Variants in EGLN2 observed in about 807,000 individuals in gnomAD.
The protein encoded by EGLN2 is prolyl hydroxylase EGLN2.
In EGLN2, 15 loss-of-function variants were observed where a neutral mutation model predicts 38.2. The observed-to-expected ratio is 0.39, with a 90% CI of 0.26 to 0.60. EGLN2 has a LOEUF of 0.60. Among genes scored for constraint, EGLN2 ranks in the 20% least tolerant of loss-of-function variants. The probability of loss-of-function intolerance (pLI) is 0.50; values close to 1 mark genes in which losing one functional copy is unlikely to be tolerated. For missense variants in EGLN2, 492 were observed against 570.4 expected (o/e 0.86, Z 1.40); for synonymous variants, 284 against 237.4 (o/e 1.20, Z -1.81).
chr19:40,807,220 T>C lies in EGLN2; in HGVS notation c.1046T>C (p.Ile349Thr). 3 of 1,614,174 alleles carry C rather than the reference T, an allele frequency of 1.9e-6. No homozygotes were observed. In the South Asian group the frequency reaches 3.3e-5, roughly 18 times the overall value. The change falls in exon 4 of 6, where the codon ATT becomes ACT. Residue 349 changes from isoleucine (I) to threonine (T), a missense_variant. Transcript: ENST00000303961. ...GAGCCACTCTTTGACCGGTTGCTCA[T>C]TTTCTGGTCTGACCGGCGGAACCCC... ...NIEPLFDRLL[I>T]FWSDRRNPHE...
chr19:40,806,759 A>G, intron 3 of EGLN2, 85 bp downstream of exon 3: 1 of 1,549,514 alleles, frequency 6.5e-7, no homozygotes, highest in South Asian at 1.1e-5. Flanking sequence ...TTCCACTCTC[A>G]GCCCAGATTC....
chr19:40,800,704 G>C lies in EGLN2; in HGVS notation c.132G>C (p.Leu44=), dbSNP rs755301119. The change falls in exon 2 of 6, where the codon CTG becomes CTC. Residue 44 remains leucine, a synonymous_variant. Coordinates refer to ENST00000303961, the MANE Select transcript of EGLN2 (RefSeq NM_080732.4). ...MGVESYLPCP[L]LPSYHCPGVP... Reference sequence around the variant, plus strand: ...TGGAGAGTTACCTGCCCTGTCCCCTGCTCCCCTCCTACCACTGTCCAGGAG... The same window carrying C: ...TGGAGAGTTACCTGCCCTGTCCCCTCCTCCCCTCCTACCACTGTCCAGGAG... The C allele has an allele frequency of 6.2e-7, 1 of 1,614,036 alleles. No homozygotes were observed. Among genetic ancestry groups the C allele is most frequent in the Admixed American group, 1.7e-5 (1 of 60,028 alleles).
chr19:40,802,887 C>G (rs989403523), intron 2 of EGLN2, among the ~76,000 whole-genome samples: 25 of 152,388 alleles, frequency 1.6e-4, no homozygotes, highest in African/African-American at 6.0e-4. Flanking sequence ...CCTCCTCCTG[C>G]AGATCCCATC....
In EGLN2 at chr19:40,801,518, T is replaced by C. The variant is rs1461457653; in HGVS notation, c.843+103T>C. On this transcript the variant is annotated intron_variant, in intron 2 of 5. Transcript: ENST00000303961. ...GGTTTGGAGACAGGCTTCTGGGAGG[T>C]CACAGAAGGTTTAGGCAGTTCAGTG... is the stretch of plus-strand genomic sequence containing the variant. 10 of 1,500,480 alleles carry C rather than the reference T, an allele frequency of 6.7e-6. No individual in the cohort carries two copies. The Admixed American group carries it at 2.1e-4, about 31-fold the overall frequency. The allele number at this position is 1,500,480 out of a possible 1,614,324, so 92.9% of individuals were successfully genotyped here.
chr19:40,807,695 G>A, intron 5 of EGLN2, 114 bp from the exon 6 acceptor site: 2 of 1,419,886 alleles, frequency 1.4e-6, no homozygotes, highest in Admixed American at 3.7e-5. Flanking sequence ...CCACTCTCCT[G>A]GTACCCCAAC....
At position 40,806,942 on chromosome 19, in the gene EGLN2, C is replaced by T. The variant is rs183913471; in HGVS notation, c.964-196C>T. The stretch of plus-strand genomic sequence containing the variant: ...CGGCCTTGTAATGAACACTTTCCCC[C>T]TTTTCCTGTCTTTAGTAGCTTCCTG... On this transcript the variant is annotated intron_variant, in intron 3 of 5. Transcript: ENST00000303961. 15 of 997,766 alleles carry T rather than the reference C, an allele frequency of 1.5e-5. No homozygotes were observed. The African/African-American group carries it at 2.0e-4, about 13-fold the overall frequency. 61.8% of individuals were successfully genotyped at this position (997,766 alleles called of 1,614,324 possible).
chr19:40,802,860 G>A (rs970717382), intron 2 of EGLN2, among the ~76,000 whole-genome samples: 4 of 152,282 alleles, frequency 2.6e-5, no homozygotes, highest in African/African-American at 9.6e-5. Flanking sequence ...GTGAGGCTGA[G>A]CTCCTGATGT....
chr19:40,807,074 G>A, intron 3 of EGLN2, 64 bp from the exon 4 acceptor site: 2 of 1,599,408 alleles, frequency 1.3e-6, no homozygotes, highest in Non-Finnish European at 1.7e-6. Flanking sequence ...GGGCTCCCGG[G>A]GCACCGTGGG....
At chr19:40,802,300 C>T (rs987025992) in intron 2 of EGLN2, among the ~76,000 whole-genome samples, 10 of 152,164 alleles carry the variant, frequency 6.6e-5, no homozygotes, top group Non-Finnish European at 1.5e-4. Flanking sequence ...GCATCGAGGA[C>T]AGTCTCCTGG....
rs949853896 is a variant in EGLN2 at position 40,801,348 on chromosome 19, A to G, written c.776A>G (p.His259Arg). Residue 259 changes from histidine (H) to arginine (R), a missense_variant, in exon 2 of 6, where the codon CAT becomes CGT. Physicochemically the swap from His to Arg is conservative, Grantham distance 29. This residue lies in a region of EGLN2 where 378 missense variants were observed against 386.2 expected (regional missense o/e 0.98). Coordinates refer to ENST00000303961, the MANE Select transcript of EGLN2 (RefSeq NM_080732.4). ...GCRSIGALMAHVDAVIRHCAG... is the reference protein window; with the variant it reads ...GCRSIGALMARVDAVIRHCAG... ...CGAAGCATTGGTGCCCTCATGGCCCATGTGGACGCCGTCATCCGCCACTGC... is the reference window on the plus strand; with the variant it reads ...CGAAGCATTGGTGCCCTCATGGCCCGTGTGGACGCCGTCATCCGCCACTGC... 6.2e-7 allele frequency: 1 copy of G among 1,612,042 alleles called. No homozygotes were observed. The highest frequency in any genetic ancestry group is 8.5e-7 in the Non-Finnish European group (1 of 1,180,012).
Position 40,800,354 on chromosome 19 carries a change from C to T in EGLN2, c.-219C>T. The T allele has an allele frequency of 1.7e-6, 1 of 594,618 alleles. No individual in the cohort carries two copies. The highest frequency in any genetic ancestry group is 2.8e-6 in the Non-Finnish European group (1 of 355,032). The allele number at this position is 594,618 out of a possible 1,614,324, so 36.8% of individuals were successfully genotyped here. A position where few individuals can be genotyped will look rare whatever the true frequency, so the allele number is the denominator to read the frequency against. On this transcript the variant is annotated 5_prime_UTR_variant, in exon 2 of 6. Coordinates refer to ENST00000303961, the MANE Select transcript of EGLN2 (RefSeq NM_080732.4). Reference sequence around the variant, plus strand: ...CTTTCTCTAGCCACCCTGAAGGGTCCCTTCCCAAGCCCTTAGGGACCGCAG... The same window carrying T: ...CTTTCTCTAGCCACCCTGAAGGGTCTCTTCCCAAGCCCTTAGGGACCGCAG...
chr19:40,805,597 C>T (rs2083295390), intron 2 of EGLN2: 1 of 152,236 alleles, frequency 6.6e-6, no homozygotes, highest in Admixed American at 6.5e-5. Flanking sequence ...GCAGAAGTGG[C>T]TGGGCCATTT....
In EGLN2 at chr19:40,807,955, C is replaced by A; in HGVS notation, c.*91C>A. On this transcript the variant is annotated 3_prime_UTR_variant, in exon 6 of 6. Coordinates refer to ENST00000303961, the MANE Select transcript of EGLN2 (RefSeq NM_080732.4). ...GGCTGCTCCTTCCCTGCCACCGCTG[C>A]TGCTTCTGACTTTGCCTCTGTCCTG... The A allele has an allele frequency of 7.8e-7, 1 of 1,285,200 alleles. No homozygotes were observed. Among genetic ancestry groups the A allele is most frequent in the Non-Finnish European group, 1.1e-6 (1 of 902,562 alleles). The allele number at this position is 1,285,200 out of a possible 1,614,324, so 79.6% of individuals were successfully genotyped here. A position where few individuals can be genotyped will look rare whatever the true frequency, so the allele number is the denominator to read the frequency against.
intron 2 of EGLN2, chr19:40,804,881 G>A (rs972375776): frequency 5.9e-5 from 9 of 152,294 alleles, no homozygotes; most frequent in Admixed American, 4.6e-4. Context: ...AAGGTTGTCA[G>A]CTTCCCACTG....
In EGLN2 at chr19:40,803,803, A is replaced by C. The variant is rs1311523291; in HGVS notation, c.843+2388A>C. Among the ~76,000 whole-genome samples the C allele has an allele frequency of 2.0e-5, 3 of 152,098 alleles. No individual in the cohort carries two copies. The East Asian group carries it at 5.8e-4, about 29-fold the overall frequency. On this transcript the variant is annotated intron_variant, in intron 2 of 5. Coordinates refer to ENST00000303961, the MANE Select transcript of EGLN2 (RefSeq NM_080732.4). Reference sequence around the variant, plus strand: ...TTGAAGAGCAGCTTGGAGGTGGGACAGTCACAGGCTTCTGACTGGGGTGTG... The same window carrying C: ...TTGAAGAGCAGCTTGGAGGTGGGACCGTCACAGGCTTCTGACTGGGGTGTG...
At position 40,806,585 on chromosome 19, in the gene EGLN2, C is replaced by A; in HGVS notation, c.874C>A (p.Leu292Ile). 3 of 1,614,164 alleles carry A rather than the reference C, an allele frequency of 1.9e-6. No individual in the cohort carries two copies. The highest frequency in any genetic ancestry group is 2.5e-6 in the Non-Finnish European group (3 of 1,180,004). Residue 292 changes from leucine (L) to isoleucine (I), a missense_variant, in exon 3 of 6, where the codon CTC becomes ATC. Coordinates refer to ENST00000303961, the MANE Select transcript of EGLN2 (RefSeq NM_080732.4). ...GGTGGCGTGTTACCCAGGCAACGGG[C>A]TCGGGTACGTAAGGCACGTTGACAA... is the stretch of plus-strand genomic sequence containing the variant. ...AMVACYPGNG[L>I]GYVRHVDNPH... is the part of the protein sequence containing the mutation.
intron 2 of EGLN2, among the ~76,000 whole-genome samples, chr19:40,801,987 T>C (rs2145083501): frequency 6.6e-6 from 1 of 152,276 alleles, no homozygotes; most frequent in African/African-American, 2.4e-5. Context: ...GTTCATGGCC[T>C]CCTGGTGTCA....
At chr19:40,806,707 GGGGCTA>G (rs759433684) in intron 3 of EGLN2, 33 bp downstream of exon 3, 2 of 1,609,604 alleles carry the variant, frequency 1.2e-6, no homozygotes, top group Admixed American at 1.7e-5. Flanking sequence ...GGGTGGCGCT[GGGGCTA>G]GGGCTGGGGC....
intron 4 of EGLN2, 96 bp from the exon 5 acceptor site, chr19:40,807,388 G>A: frequency 6.2e-7 from 1 of 1,602,218 alleles, no homozygotes; most frequent in Non-Finnish European, 8.5e-7. Context: ...CTAGGTGGGA[G>A]CAGAACCGGG....
Sources: gnomAD v4.1 joint callset for allele counts (sites outside exome capture counted in the v4.1 genomes callset) on GRCh38, gnomAD v4.1.1 for gene constraint, gnomAD v4.1.1 regional missense constraint, MANE v1.5 for transcripts, NCBI Gene and HGNC (gene_info 2026-07-23, HGNC 2026-07-21) for gene names.